RNPS1: variants seen among roughly 807,000 people sequenced by gnomAD.
RNPS1 encodes the protein RNA-binding protein with serine-rich domain 1.
For missense variants in RNPS1, 300 were observed against 427.6 expected (o/e 0.70, Z 2.63); for synonymous variants, 147 against 150.0 (o/e 0.98, Z 0.15).
intron 7 of RNPS1, among the ~76,000 whole-genome samples, chr16:2,255,030 C>A (rs958640901): frequency 3.3e-5 from 5 of 152,212 alleles, no homozygotes; most frequent in African/African-American, 9.6e-5. Context: ...AGCCACCATG[C>A]CTGGCAGAAG....
chr16:2,264,722 A>G lies in RNPS1; in HGVS notation c.-79T>C. ...CTCACTTCTAACTTGATTCTGAGAA[A>G]CGATCCCTAATCGATTGCAATTTAC... is the stretch of plus-strand genomic sequence containing the variant. On this transcript the variant is annotated 5_prime_UTR_variant, in exon 2 of 8. Transcript: ENST00000320225. 1 of 1,590,432 alleles carries G rather than the reference A, an allele frequency of 6.3e-7. No homozygotes were observed. Among genetic ancestry groups the G allele is most frequent in the Non-Finnish European group, 8.5e-7 (1 of 1,174,360 alleles).
In RNPS1 at chr16:2,254,109, GGCAA is replaced by G. The variant is rs1445545984; in HGVS notation, c.819-50_819-47del. 5 of 1,330,200 alleles carry G rather than the reference GGCAA, an allele frequency of 3.8e-6. No individual in the cohort carries two copies. The South Asian group carries it at 7.8e-5, about 21-fold the overall frequency. 82.4% of individuals were successfully genotyped at this position (1,330,200 alleles called of 1,614,324 possible). A position where few individuals can be genotyped will look rare whatever the true frequency, so the allele number is the denominator to read the frequency against. ...ACATCAGAGTAGCTCAGGCTGTAGGGGCAAGCTAGCTTCTTTCTGGGCAATTCCC... is the reference window on the plus strand; with the variant it reads ...ACATCAGAGTAGCTCAGGCTGTAGGGGCTAGCTTCTTTCTGGGCAATTCCC... On this transcript the variant is annotated intron_variant, in intron 7 of 7. Coordinates refer to ENST00000320225, the MANE Select transcript of RNPS1 (RefSeq NM_080594.4).
At position 2,264,759 on chromosome 16, in the gene RNPS1, G is replaced by A; in HGVS notation, c.-116C>T. ...CGATTGCAATTTACGCCAAAGAGCA[G>A]CCTAATAACAAGATAAAAGGGTTTA... On this transcript the variant is annotated splice_region_variant and 5_prime_UTR_variant, in exon 2 of 8. Transcript: ENST00000320225. 6.5e-7 allele frequency: 1 copy of A among 1,545,558 alleles called. No individual in the cohort carries two copies. Among genetic ancestry groups the A allele is most frequent in the Non-Finnish European group, 8.7e-7 (1 of 1,154,160 alleles).
At chr16:2,266,284 C>T (rs895653602) in intron 1 of RNPS1, 50 of 985,340 alleles carry the variant, frequency 5.1e-5, no homozygotes, top group African/African-American at 1.6e-4. Flanking sequence ...CCGAACGCCA[C>T]CTTTGCTGCT....
At chr16:2,259,538 C>T (rs1312359098) in intron 6 of RNPS1, among the ~76,000 whole-genome samples, 2 of 152,166 alleles carry the variant, frequency 1.3e-5, no homozygotes, top group African/African-American at 2.4e-5. Context: ...ATACAGATTT[C>T]TAATAACTTT....
intron 6 of RNPS1, among the ~76,000 whole-genome samples, chr16:2,261,129 CAAAAA>C (rs531553229): frequency 3.2e-5 from 4 of 125,230 alleles, no homozygotes; most frequent in Non-Finnish European, 5.2e-5. Flanking sequence ...GACTCCGTCT[CAAAAA>C]AAAAAAAAAA....
chr16:2,254,681 T>G (rs2093569040), intron 7 of RNPS1, among the ~76,000 whole-genome samples: 1 of 151,408 alleles, frequency 6.6e-6, no homozygotes, highest in African/African-American at 2.4e-5. Context: ...TCCACCCACC[T>G]CAGCCTCCCA....
intron 7 of RNPS1, among the ~76,000 whole-genome samples, chr16:2,254,418 C>G (rs1041572168): frequency 6.6e-6 from 1 of 152,102 alleles, no homozygotes; most frequent in Non-Finnish European, 1.5e-5. Flanking sequence ...CTCAGCCTCC[C>G]GAGTAACTGG....
chr16:2,256,559 GA>G (rs561247512), intron 6 of RNPS1: 5 of 148,674 alleles, frequency 3.4e-5, no homozygotes, highest in Non-Finnish European at 4.5e-5. Context: ...TCCGTCTCAA[GA>G]AAAAAAAAAG....
Position 2,255,600 on chromosome 16 carries a change from G to T in RNPS1, c.803C>A (p.Pro268Gln), listed in dbSNP as rs879175500. The change falls in exon 7 of 8, where the codon CCA becomes CAA. Residue 268 changes from proline to glutamine, a missense_variant. Coordinates refer to ENST00000320225, the MANE Select transcript of RNPS1 (RefSeq NM_080594.4). ...AATTGTTTACCTTCTCCTCATCCGT[G>T]GGGGAGACCTGCGCCACATAGGCGG... is the stretch of plus-strand genomic sequence containing the variant. ...PPPPMWRRSP[P>Q]RMRRRSRSPR... 2 of 1,593,670 alleles carry T rather than the reference G, an allele frequency of 1.3e-6. No individual in the cohort carries two copies. Among genetic ancestry groups the T allele is most frequent in the Non-Finnish European group, 1.7e-6 (2 of 1,171,456 alleles).
In RNPS1 at chr16:2,268,100, G is replaced by T. The variant is rs539006788; in HGVS notation, c.-163C>A. On this transcript the variant is annotated 5_prime_UTR_variant, in exon 1 of 8. Coordinates refer to ENST00000320225, the MANE Select transcript of RNPS1 (RefSeq NM_080594.4). ...TCCTCCTGCTTTCCTCAGCCGCCGA[G>T]GCCGGCGCCGCTCTGACGTCAGAGT... 4.0e-5 allele frequency: 61 copies of T among 1,535,324 alleles called. 1 individual carries two copies. The African/African-American group carries it at 7.5e-4, about 19-fold the overall frequency.
intron 1 of RNPS1, chr16:2,266,273 GC>G (rs2093624800): frequency 1.0e-6 from 1 of 985,320 alleles, no homozygotes; most frequent in Admixed American, 6.2e-5. Flanking sequence ...GCCAAGGAGG[GC>G]CGAACGCCAC....
chr16:2,253,152 A>G lies in RNPS1; in HGVS notation c.*812T>C, dbSNP rs2093558770. ...TCCGATCTTGGGTTTATTCAACACA[A>G]TTCTTCCACTCTACACAACAAAGTA... On this transcript the variant is annotated 3_prime_UTR_variant, in exon 8 of 8. Coordinates refer to ENST00000320225, the MANE Select transcript of RNPS1 (RefSeq NM_080594.4). 6.6e-6 allele frequency: 1 copy of G among 152,628 alleles called. No individual in the cohort carries two copies. The highest frequency in any genetic ancestry group is 2.1e-4 in the South Asian group (1 of 4,836). The allele number at this position is 152,628 out of a possible 1,614,324, so 9.5% of individuals were successfully genotyped here.
rs1596806928 is a variant in RNPS1 at position 2,260,625 on chromosome 16, T to C, written c.676+1653A>G. ...ATCTTGGAACCTCAAGAGGAGAGGA[T>C]TTCACCCAACTCACAGGTATTTAAT... On this transcript the variant is annotated intron_variant, in intron 6 of 7. Transcript: ENST00000320225. Among the ~76,000 whole-genome samples, 3 of 152,186 alleles carry C rather than the reference T, an allele frequency of 2.0e-5. No individual in the cohort carries two copies. The East Asian group carries it at 5.8e-4, about 29-fold the overall frequency.
intron 6 of RNPS1, chr16:2,258,097 G>A (rs1567322819): frequency 6.6e-6 from 1 of 152,224 alleles, no homozygotes; most frequent in African/African-American, 2.4e-5. Flanking sequence ...TAAACGTCAT[G>A]AGTGGTTATG....
At chr16:2,258,206 C>G (rs764267988) in intron 6 of RNPS1, 5 of 152,180 alleles carry the variant, frequency 3.3e-5, no homozygotes, top group Non-Finnish European at 7.3e-5. Flanking sequence ...ACTTCTGGTT[C>G]TCAGAAATGA....
intron 5 of RNPS1, 39 bp downstream of exon 5, chr16:2,262,701 C>T (rs1177776847): frequency 1.3e-6 from 2 of 1,555,814 alleles, no homozygotes; most frequent in East Asian, 2.2e-5. Context: ...CCTGCTTGTC[C>T]ACACCCCACT....
Position 2,264,203 on chromosome 16 carries a change from C to G in RNPS1, c.200G>C (p.Ser67Thr). The change falls in exon 3 of 8, where the codon AGC (serine) becomes ACC (threonine). Residue 67 changes from serine (S) to threonine (T), a missense_variant. Ser to Thr is a moderately conservative substitution (Grantham distance 58, BLOSUM62 1). Transcript: ENST00000320225. ...RGRDKTRKRR[S>T]ASSGSSSTRS... ...GGTACTGCTGCTACCACTGGAAGCGCTGCGCCTCTTTCGGGTTTTGTCCCG... is the reference window on the plus strand; with the variant it reads ...GGTACTGCTGCTACCACTGGAAGCGGTGCGCCTCTTTCGGGTTTTGTCCCG... 2 of 1,613,598 alleles carry G rather than the reference C, an allele frequency of 1.2e-6. No homozygotes were observed. Among genetic ancestry groups the G allele is most frequent in the Non-Finnish European group, 8.5e-7 (1 of 1,180,038 alleles).
At chr16:2,255,002 A>G (rs2141533719) in intron 7 of RNPS1, among the ~76,000 whole-genome samples, 2 of 152,254 alleles carry the variant, frequency 1.3e-5, no homozygotes, top group South Asian at 2.1e-4. Flanking sequence ...TCAGCCTCCC[A>G]AAGTGATTAC....
Sources: allele counts gnomAD v4.1 joint callset (sites outside exome capture counted in the v4.1 genomes callset), GRCh38; gene constraint gnomAD v4.1.1; transcripts MANE v1.5; gene names NCBI Gene and HGNC (gene_info 2026-07-23, HGNC 2026-07-21).